Variants in PCDH11X observed in about 807,000 individuals in gnomAD.
PCDH11X encodes the protein protocadherin 11 X-linked, also known as protocadherin-11 X-linked.
A neutral mutation model predicts 53.3 loss-of-function variants in PCDH11X; 18 were observed. The observed-to-expected ratio is 0.34, with a 90% CI of 0.23 to 0.50. The LOEUF (loss-of-function observed/expected upper bound fraction) is 0.50, where lower values mean the gene tolerates loss of function less well. Among genes scored for constraint, PCDH11X ranks in the 20% least tolerant of loss-of-function variants. The pLI is 0.98. For missense variants in PCDH11X, 570 were observed against 1,032.4 expected, an observed-to-expected ratio of 0.55 and a Z score of 6.14; for synonymous variants, 279 against 393.3, an observed-to-expected ratio of 0.71 and a Z score of 3.44.
rs1939714013 is a variant in PCDH11X at position 91,878,198 on chromosome X, G to A, written c.1958G>A (p.Arg653His). 5.8e-6 allele frequency: 7 copies of A among 1,206,784 alleles called. No homozygotes were observed. The highest frequency in any genetic ancestry group is 7.8e-6 in the Non-Finnish European group (7 of 892,485). Reference protein sequence around the residue: ...VKAEDGGRVSRSSSAKVTINV... With the variant: ...VKAEDGGRVSHSSSAKVTINV... ...GCTGAGGATGGTGGTAGAGTATCACGTTCTTCAAGTGCCAAAGTAACCATA... is the reference window on the plus strand; with the variant it reads ...GCTGAGGATGGTGGTAGAGTATCACATTCTTCAAGTGCCAAAGTAACCATA... Residue 653 changes from arginine (R) to histidine (H), a missense_variant, in exon 6 of 11, where the codon CGT becomes CAT. By Grantham distance (29) the Arg-to-His change is conservative (BLOSUM62 0). This residue lies in a region of PCDH11X where 226 missense variants were observed against 457.5 expected (regional missense o/e 0.49). Coordinates refer to ENST00000682573, the MANE Select transcript of PCDH11X (RefSeq NM_032968.5).
At chrX:92,258,159 A>G (rs1349297013) in intron 7 of PCDH11X, among the ~76,000 whole-genome samples, 1 of 110,676 alleles carries the variant, frequency 9.0e-6, no homozygotes, top group Non-Finnish European at 1.9e-5. Flanking sequence ...TATGTCTGGA[A>G]CAGGAGAGAC....
At chrX:92,609,872 A>G (rs1451926897) in intron 10 of PCDH11X, among the ~76,000 whole-genome samples, 1 of 111,374 alleles carries the variant, frequency 9.0e-6, no homozygotes, top group Non-Finnish European at 1.9e-5. Flanking sequence ...TTGCTGTGTT[A>G]ATTTGCTTAG....
chrX:92,518,208 G>C (rs1397246655), intron 10 of PCDH11X, among the ~76,000 whole-genome samples: 55 of 111,361 alleles, frequency 4.9e-4, no homozygotes, highest in Admixed American at 1.9e-4. Context: ...CTTTTATCTT[G>C]AAAAATATCA....
chrX:92,345,585 C>T (rs1197797980), intron 8 of PCDH11X, among the ~76,000 whole-genome samples: 1 of 110,783 alleles, frequency 9.0e-6, no homozygotes, highest in African/African-American at 3.3e-5. Context: ...TTATTAAATC[C>T]AGAATAACGT....
intron 6 of PCDH11X, among the ~76,000 whole-genome samples, chrX:91,922,292 A>G (rs868344863): frequency 8.9e-6 from 1 of 111,958 alleles, no homozygotes; most frequent in Non-Finnish European, 1.9e-5. Flanking sequence ...ACTGAAGTCT[A>G]GAGTAGTTAA....
rs944516754 is a variant in PCDH11X, at chrX:92,058,265, A to C, written c.3034-143110A>C. ...CAGACTCCAAAAAGGGGAAGGATGG[A>C]AGGGGATTGAGGAGTGAGAAATTAC... On this transcript the variant is annotated intron_variant, in intron 6 of 10. Transcript: ENST00000682573. 3.6e-5 allele frequency among the ~76,000 whole-genome samples: 4 copies of C among 110,475 alleles called. No individual in the cohort carries two copies. The East Asian group carries it at 1.1e-3, about 32-fold the overall frequency.
At position 92,279,335 on chromosome X, in the gene PCDH11X, A is replaced by G. The variant is rs1451113193; in HGVS notation, c.3144+16192A>G. Among the ~76,000 whole-genome samples, 4 of 112,272 alleles carry G rather than the reference A, an allele frequency of 3.6e-5. No individual in the cohort carries two copies. The East Asian group carries it at 1.1e-3, about 32-fold the overall frequency. ...CTTGAAGTGCATCATGCTTCAAACG[A>G]TGCATCTCTTTACTAACAAGACAGG... On this transcript the variant is annotated intron_variant, in intron 8 of 10. Coordinates refer to ENST00000682573, the MANE Select transcript of PCDH11X (RefSeq NM_032968.5).
intron 8 of PCDH11X, among the ~76,000 whole-genome samples, chrX:92,290,326 G>A (rs1022026270): frequency 4.5e-5 from 5 of 110,910 alleles, no homozygotes; most frequent in Admixed American, 1.9e-4. Flanking sequence ...GGATTCACTC[G>A]GCAGTTAAAA....
At position 92,388,026 on chromosome X, in the gene PCDH11X, T is replaced by C. The variant is rs2071047598; in HGVS notation, c.3343+93T>C. 24 of 1,170,951 alleles carry C rather than the reference T, an allele frequency of 2.0e-5. No homozygotes were observed. In the East Asian group the frequency reaches 7.2e-4, roughly 35 times the overall value. On this transcript the variant is annotated intron_variant, in intron 9 of 10. Transcript: ENST00000682573. Reference sequence around the variant, plus strand: ...GCCATAATAACATGGGCTAATTCATTATGTTATTGTGAATAGTGACACATT... The same window carrying C: ...GCCATAATAACATGGGCTAATTCATCATGTTATTGTGAATAGTGACACATT...
chrX:91,948,560 A>G (rs756362368), intron 6 of PCDH11X, among the ~76,000 whole-genome samples: 2 of 110,957 alleles, frequency 1.8e-5, no homozygotes, highest in African/African-American at 6.5e-5. Context: ...TGTTGCAATC[A>G]GATGATACAT....
At chrX:92,368,245 A>T (rs1271807022) in intron 8 of PCDH11X, among the ~76,000 whole-genome samples, 4 of 109,701 alleles carry the variant, frequency 3.6e-5, no homozygotes, top group Non-Finnish European at 7.6e-5. Context: ...CAGTAAGTTG[A>T]TCTTTAATCT....
intron 10 of PCDH11X, among the ~76,000 whole-genome samples, chrX:92,606,709 A>G (rs1233950413): frequency 8.9e-6 from 1 of 111,842 alleles, no homozygotes; most frequent in Non-Finnish European, 1.9e-5. Context: ...GTCAAAGGAT[A>G]TCATCGAGAA....
intron 6 of PCDH11X, among the ~76,000 whole-genome samples, chrX:91,896,116 C>T (rs1299127645): frequency 3.7e-5 from 4 of 107,557 alleles, no homozygotes; most frequent in African/African-American, 1.0e-4. Flanking sequence ...ATTTTACTTA[C>T]TTAATTAAGT....
At chrX:92,612,917 T>C (rs902168909) in intron 10 of PCDH11X, among the ~76,000 whole-genome samples, 26 of 109,699 alleles carry the variant, frequency 2.4e-4, no homozygotes, top group African/African-American at 8.6e-4. Flanking sequence ...TTTTATCTGA[T>C]ATAAGAATAG....
At chrX:92,275,253 G>T (rs1028552557) in intron 8 of PCDH11X, among the ~76,000 whole-genome samples, 3 of 103,195 alleles carry the variant, frequency 2.9e-5, no homozygotes, top group South Asian at 4.5e-4. Flanking sequence ...AATTCTGACC[G>T]CACTAACCAT....
At chrX:92,586,731 G>T (rs1924419128) in intron 10 of PCDH11X, among the ~76,000 whole-genome samples, 1 of 110,332 alleles carries the variant, frequency 9.1e-6, no homozygotes, top group Admixed American at 9.8e-5. Flanking sequence ...GTATCCTTTG[G>T]CTGCTCTGGT....
chrX:92,069,395 G>A (rs1371418972), intron 6 of PCDH11X, among the ~76,000 whole-genome samples: 1 of 109,906 alleles, frequency 9.1e-6, no homozygotes, highest in Non-Finnish European at 1.9e-5. Context: ...TAGGCAACAG[G>A]TCATTGGGTC....
At chrX:92,023,945 C>A (rs1270663748) in intron 6 of PCDH11X, among the ~76,000 whole-genome samples, 1 of 106,089 alleles carries the variant, frequency 9.4e-6, no homozygotes, top group African/African-American at 3.4e-5. Context: ...GCAGAAAAGG[C>A]CTTTGATAAA....
chrX:92,098,940 C>T lies in PCDH11X; in HGVS notation c.3034-102435C>T, dbSNP rs190175955. ...GGGATTACAGGCCTGAGCCACTGCA[C>T]CCGGCCCCTGAATGCTCTCTTTTAA... On this transcript the variant is annotated intron_variant, in intron 6 of 10. Coordinates refer to ENST00000682573, the MANE Select transcript of PCDH11X (RefSeq NM_032968.5). Among the ~76,000 whole-genome samples the T allele has an allele frequency of 2.4e-4, 27 of 111,596 alleles. 1 individual carries two copies. The East Asian group carries it at 7.6e-3, about 31-fold the overall frequency.
Sources: gnomAD v4.1 joint callset for allele counts (sites outside exome capture counted in the v4.1 genomes callset) on GRCh38, gnomAD v4.1.1 for gene constraint, gnomAD v4.1.1 regional missense constraint, MANE v1.5 for transcripts, NCBI Gene and HGNC (gene_info 2026-07-23, HGNC 2026-07-21) for gene names.